Variants in AHCY observed in about 807,000 individuals in gnomAD.
The protein encoded by AHCY is S-adenosyl-L-homocysteine hydrolase.
In AHCY, 24 loss-of-function variants were observed where a neutral mutation model predicts 45.4. The observed-to-expected ratio is 0.53, with a 90% CI of 0.38 to 0.74. The LOEUF is 0.74. AHCY is among the 30% of genes least tolerant of loss of function. AHCY has a pLI of 0.00. For synonymous variants in AHCY, 245 were observed against 235.1 expected, an observed-to-expected ratio of 1.04 and a Z score of -0.39; for missense variants, 449 against 594.1, an observed-to-expected ratio of 0.76 and a Z score of 2.54.
At chr20:34,243,148 A>T in the AHCY span, among the ~76,000 whole-genome samples, 2 of 152,196 alleles carry the variant, frequency 1.3e-5, no homozygotes, top group Non-Finnish European at 2.9e-5. Flanking sequence ...TTTCACACTG[A>T]CAAACAGCTG....
intron 8 of AHCY, among the ~76,000 whole-genome samples, chr20:34,286,864 C>A (rs1449064574): frequency 1.3e-5 from 2 of 149,198 alleles, no homozygotes; most frequent in African/African-American, 5.0e-5. Context: ...AAAAAAGATA[C>A]CTTGGCCTCA....
chr20:34,276,091 A>C (rs548826710), downstream of AHCY, among the ~76,000 whole-genome samples: 1 of 152,094 alleles, frequency 6.6e-6, no homozygotes, highest in East Asian at 1.9e-4. Flanking sequence ...TGAAGACAGT[A>C]CCTTTTCTGT....
chr20:34,305,974 C>T (rs2036891380), upstream of AHCY, among the ~76,000 whole-genome samples: 1 of 150,472 alleles, frequency 6.6e-6, no homozygotes, highest in South Asian at 2.1e-4. Context: ...CTCAGCTACT[C>T]AGGAGGCTGA....
In AHCY at chr20:34,285,548, G is replaced by A. The variant is rs773756706; in HGVS notation, c.1059C>T (p.His353=). The A allele has an allele frequency of 4.3e-6, 7 of 1,614,186 alleles. No homozygotes were observed. In the South Asian group the frequency reaches 5.5e-5, roughly 13 times the overall value. Residue 353 remains histidine, a synonymous_variant, in exon 9 of 10, where the codon CAC becomes CAT. Coordinates refer to ENST00000217426, the MANE Select transcript of AHCY (RefSeq NM_000687.4). ...RLVNLGCAMG[H]PSFVMSNSFT... ...AGGAGTTACTCATCACGAAGCTGGG[G>A]TGGCCCATGGCACAACCCAGGTTGA...
At chr20:34,272,271 C>G in the AHCY span, among the ~76,000 whole-genome samples, 1 of 152,194 alleles carries the variant, frequency 6.6e-6, no homozygotes, top group Non-Finnish European at 1.5e-5. Context: ...CCATGTTTCC[C>G]TCTGCTTTCA....
chr20:34,295,342 G>C (rs758549306), intron 2 of AHCY, 53 bp downstream of exon 2: 2 of 1,607,246 alleles, frequency 1.2e-6, no homozygotes, highest in African/African-American at 2.7e-5. Context: ...CTTCTTCCCT[G>C]GCTGAACCCA....
intron 9 of AHCY, among the ~76,000 whole-genome samples, chr20:34,282,413 A>G (rs1374558433): frequency 2.6e-5 from 4 of 152,254 alleles, no homozygotes; most frequent in African/African-American, 4.8e-5. Context: ...AGCCTGAGTC[A>G]GAAGCAGCCA....
At chr20:34,274,792 A>T in the AHCY span, among the ~76,000 whole-genome samples, 2 of 152,008 alleles carry the variant, frequency 1.3e-5, no homozygotes, top group African/African-American at 2.4e-5. Flanking sequence ...ACAAAAAAAA[A>T]TTTTAAATTA....
chr20:34,301,039 G>A (rs2036752762), intron 1 of AHCY, among the ~76,000 whole-genome samples: 1 of 152,168 alleles, frequency 6.6e-6, no homozygotes, highest in South Asian at 2.1e-4. Context: ...ATCCATGAGA[G>A]GGGCTGGCAC....
At chr20:34,283,919 G>A (rs1174405308) in intron 9 of AHCY, among the ~76,000 whole-genome samples, 1 of 152,198 alleles carries the variant, frequency 6.6e-6, no homozygotes, top group Non-Finnish European at 1.5e-5. Context: ...GCAAAAGGCT[G>A]GAAGAGCAAG....
At chr20:34,279,083 T>C (rs1601630176), downstream of AHCY, among the ~76,000 whole-genome samples, 1 of 103,224 alleles carries the variant, frequency 9.7e-6, no homozygotes, top group Non-Finnish European at 1.8e-5. Context: ...CACTCTAGCC[T>C]GGGCGACGAG....
At chr20:34,300,088 G>A (rs2036719244) in intron 1 of AHCY, among the ~76,000 whole-genome samples, 1 of 152,174 alleles carries the variant, frequency 6.6e-6, no homozygotes, top group African/African-American at 2.4e-5. Context: ...AGGAGGCTGA[G>A]GCAGGAGAAT....
At chr20:34,235,864 GGAAAGGAAGGAA>G in the AHCY span, among the ~76,000 whole-genome samples, 2 of 37,210 alleles carry the variant, frequency 5.4e-5, no homozygotes, top group Non-Finnish European at 4.0e-5. Flanking sequence ...AAGGAAGGAA[GGAAAGGAAGGAA>G]GGAAGGAAGG....
At chr20:34,233,000 G>A in the AHCY span, among the ~76,000 whole-genome samples, 2 of 152,128 alleles carry the variant, frequency 1.3e-5, no homozygotes, top group Non-Finnish European at 2.9e-5. Flanking sequence ...CTCCCTCCAG[G>A]TACTGGGATC....
the AHCY span, among the ~76,000 whole-genome samples, chr20:34,258,935 A>G: frequency 7.1e-6 from 1 of 141,766 alleles, no homozygotes; most frequent in African/African-American, 2.6e-5. Context: ...CAAATGAACA[A>G]ATATGGCTGA....
chr20:34,234,926 C>T, the AHCY span: 5 of 151,946 alleles, frequency 3.3e-5, no homozygotes, highest in African/African-American at 1.2e-4. Context: ...ACATTATTTT[C>T]TCTCGCATTT....
At chr20:34,233,777 A>G in the AHCY span, among the ~76,000 whole-genome samples, 1 of 152,188 alleles carries the variant, frequency 6.6e-6, no homozygotes. Flanking sequence ...AAGGGCCACA[A>G]TGATGTGGCC....
chr20:34,271,233 C>G, the AHCY span, among the ~76,000 whole-genome samples: 1 of 152,162 alleles, frequency 6.6e-6, no homozygotes, highest in Non-Finnish European at 1.5e-5. Context: ...TGAGCCACCA[C>G]GCCCCACCTC....
rs528198029 is a variant in AHCY at position 34,302,903 on chromosome 20, G to A, written c.28+340C>T. On this transcript the variant is annotated intron_variant, in intron 1 of 9. Transcript: ENST00000217426. ...CCGGTCCAGGCCTAGGAGGCCGGGC[G>A]CAGGCCCCCCGAGCAGGGTCCGGCA... 9.1e-5 allele frequency: 90 copies of A among 985,458 alleles called. No homozygotes were observed. In the South Asian group the frequency reaches 2.9e-3, roughly 32 times the overall value. 61.0% of individuals were successfully genotyped at this position (985,458 alleles called of 1,614,324 possible). A position where few individuals can be genotyped will look rare whatever the true frequency, so the allele number is the denominator to read the frequency against.
Sources: allele counts gnomAD v4.1 joint callset (sites outside exome capture counted in the v4.1 genomes callset), GRCh38; gene constraint gnomAD v4.1.1; transcripts MANE v1.5; gene names NCBI Gene and HGNC (gene_info 2026-07-23, HGNC 2026-07-21).